Variants in CHST15 observed in about 807,000 individuals in gnomAD.
The protein encoded by CHST15 is B cell RAG associated protein (GALNAC4S-6ST).
CHST15 carries 30 observed loss-of-function variants against 53.6 expected under a neutral mutation model. The observed-to-expected ratio is 0.56, with a 90% confidence interval of 0.42 to 0.76. The LOEUF (loss-of-function observed/expected upper bound fraction) is 0.76. CHST15 is among the 30% of genes least tolerant of loss of function. CHST15 has a pLI of 0.00. For missense variants in CHST15, 627 were observed against 740.5 expected (o/e 0.85, Z 1.78); for synonymous variants, 296 against 289.8 (o/e 1.02, Z -0.22).
intron 1 of CHST15, among the ~76,000 whole-genome samples, chr10:124,088,845 C>A (rs559449554): frequency 6.6e-6 from 1 of 152,348 alleles, no homozygotes; most frequent in Admixed American, 6.5e-5. Flanking sequence ...CTTTCTCCTT[C>A]TTCCTGGACA....
chr10:124,036,003 A>G lies in CHST15; in HGVS notation c.1190+2512T>C, dbSNP rs1309701390. 1.3e-5 allele frequency among the ~76,000 whole-genome samples: 2 copies of G among 152,078 alleles called. No homozygotes were observed. Among genetic ancestry groups the G allele is most frequent in the African/African-American group, 2.4e-5 (1 of 41,424 alleles). On this transcript the variant is annotated intron_variant, in intron 5 of 7. Transcript: ENST00000435907. This position sits in a 1 kb window ranked among gnomAD's most constrained non-coding sequence, Gnocchi z 5.1. ...ACCTCTCTGTGCCCAGACAGTACAC[A>G]AGGCTGCTGTGTGCACTCTCGGCCC...
rs201105451 is a variant in CHST15, at chr10:124,021,239, G to GGT, written c.1347+16_1347+17insAC. On this transcript the variant is annotated intron_variant, in intron 6 of 7. Transcript: ENST00000435907. ...CCAGGGGCCAGCTCGGGGGGTACGG[G>GGT]GGGGGGGGGTACACACAGGCATGGC... is the stretch of plus-strand genomic sequence containing the variant. 4,732 of 1,441,742 alleles carry GGT rather than the reference G, an allele frequency of 3.3e-3. 130 individuals are homozygous for GGT. The African/African-American group carries it at 0.058, about 18-fold the overall frequency. The allele number at this position is 1,441,742 out of a possible 1,614,324, so 89.3% of individuals were successfully genotyped here. A position where few individuals can be genotyped will look rare whatever the true frequency, so the allele number is the denominator to read the frequency against.
At chr10:124,015,984 A>T (rs1157357130) in intron 6 of CHST15, among the ~76,000 whole-genome samples, 1 of 152,048 alleles carries the variant, frequency 6.6e-6, no homozygotes, top group Admixed American at 6.5e-5. Context: ...TGAGAAACAC[A>T]CCATGGCCCC....
At chr10:124,018,373 CTT>C (rs1302580079) in intron 6 of CHST15, among the ~76,000 whole-genome samples, 1 of 152,352 alleles carries the variant, frequency 6.6e-6, no homozygotes, top group East Asian at 1.9e-4. Flanking sequence ...AATTTCCTCT[CTT>C]TGCTTTGCAT....
chr10:124,076,000 G>C (rs746509240), intron 1 of CHST15, among the ~76,000 whole-genome samples: 5 of 152,182 alleles, frequency 3.3e-5, no homozygotes, highest in Non-Finnish European at 7.4e-5. Context: ...TAAAATCCTA[G>C]ACTGTCTCCA....
At chr10:124,011,852 T>A in intron 7 of CHST15, 2 of 985,356 alleles carry the variant, frequency 2.0e-6, no homozygotes, top group Non-Finnish European at 2.4e-6. Flanking sequence ...ATCTGTCTGT[T>A]CCCTCCTCTA....
At position 124,034,804 on chromosome 10, in the gene CHST15, AC is replaced by A. The variant is rs1473100639; in HGVS notation, c.1190+3710del. ...AACAGGGACGCCGGCTCCGCCCCTA[AC>A]GGGGACCCCGGCTCCGCCCCCTAAC... On this transcript the variant is annotated intron_variant, in intron 5 of 7. Transcript: ENST00000435907. 2.1e-4 allele frequency among the ~76,000 whole-genome samples: 28 copies of A among 135,212 alleles called. 1 individual carries two copies. The East Asian group carries it at 6.5e-3, about 31-fold the overall frequency. The allele number at this position is 135,212 out of a possible 152,430, so 88.7% of individuals were successfully genotyped here.
chr10:124,055,810 C>T (rs1590290357), intron 1 of CHST15, among the ~76,000 whole-genome samples: 1 of 152,176 alleles, frequency 6.6e-6, no homozygotes, highest in Admixed American at 6.5e-5. Flanking sequence ...CAGGGTAAAC[C>T]AGCCACTGCT....
chr10:124,020,351 G>A, intron 6 of CHST15: 1 of 985,436 alleles, frequency 1.0e-6, no homozygotes, highest in Non-Finnish European at 1.2e-6. Context: ...CCTCCTACCT[G>A]GCACCAGAGC....
rs528325232 is a variant in CHST15 at position 124,024,163 on chromosome 10, C to G, written c.1191-2751G>C. Among the ~76,000 whole-genome samples the G allele has an allele frequency of 7.2e-5, 11 of 152,312 alleles. No homozygotes were observed. The highest frequency in any genetic ancestry group is 2.6e-4 in the African/African-American group (11 of 41,570). On this transcript the variant is annotated intron_variant, in intron 5 of 7. Coordinates refer to ENST00000435907, the MANE Select transcript of CHST15 (RefSeq NM_001270764.2). The surrounding 1 kb of genome is among the most constrained non-coding windows in gnomAD (Gnocchi z 4.0). ...CCCAGCCGCCATCCATACTTCCAAA[C>G]GCTCCCAGACCTTCAGCCACATACT...
chr10:124,043,712 C>G (rs933321899), intron 3 of CHST15, among the ~76,000 whole-genome samples: 18 of 152,330 alleles, frequency 1.2e-4, no homozygotes, highest in Non-Finnish European at 1.9e-4. Context: ...TCATGGTAAG[C>G]CTGCGGCAAA....
chr10:124,090,939 T>C (rs1265550712), intron 1 of CHST15, among the ~76,000 whole-genome samples: 3 of 152,150 alleles, frequency 2.0e-5, no homozygotes, highest in South Asian at 2.1e-4. Context: ...AAAGACAGGG[T>C]TGGACTTCTG....
At chr10:124,038,402 G>A (rs746551821) in intron 5 of CHST15, 113 bp downstream of exon 5, 108 of 1,250,788 alleles carry the variant, frequency 8.6e-5, no homozygotes, top group African/African-American at 2.4e-4. Context: ...CACTGTACCC[G>A]ACCTGTTTAA....
At chr10:124,045,115 A>AAAAAAAAAC (rs1286043548) in intron 2 of CHST15, among the ~76,000 whole-genome samples, 196 bp from the exon 3 acceptor site, 7 of 95,398 alleles carry the variant, frequency 7.3e-5, no homozygotes, top group African/African-American at 4.3e-4. Context: ...CGCCCCACAA[A>AAAAAAAAAC]AAAAAAAAAA....
At chr10:124,020,502 G>A (rs957795887) in intron 6 of CHST15, 10 of 985,454 alleles carry the variant, frequency 1.0e-5, no homozygotes, top group Non-Finnish European at 1.2e-5. Flanking sequence ...AGAGGGGGCA[G>A]AGCCTCTTGG....
rs1413324526 is a variant in CHST15 at position 124,036,490 on chromosome 10, A to T, written c.1190+2025T>A. 1.3e-5 allele frequency among the ~76,000 whole-genome samples: 2 copies of T among 152,132 alleles called. No individual in the cohort carries two copies. Among genetic ancestry groups the T allele is most frequent in the Non-Finnish European group, 2.9e-5 (2 of 67,988 alleles). On this transcript the variant is annotated intron_variant, in intron 5 of 7. Transcript: ENST00000435907. The surrounding 1 kb of genome is among the most constrained non-coding windows in gnomAD (Gnocchi z 5.1). ...GAGCGCTGGGGCTGAGGGAGGGCAG[A>T]TCCAGCCTCTCCCTGACCAGGTCAT...
intron 1 of CHST15, among the ~76,000 whole-genome samples, chr10:124,077,883 C>CT (rs1949126663): frequency 6.6e-6 from 1 of 152,128 alleles, no homozygotes; most frequent in African/African-American, 2.4e-5. Context: ...GATTCTGCCT[C>CT]TTTATAAAAT....
chr10:124,044,689 T>G lies in CHST15; in HGVS notation c.777A>C (p.Ile259=), dbSNP rs1041851163. The change falls in exon 3 of 8, where the codon ATA becomes ATC. Residue 259 remains isoleucine, a synonymous_variant. Transcript: ENST00000435907. ...RLRCLPHFYI[I]GQPKCGTTDL... ...CTGTGGTCCCGCACTTGGGCTGCCC[T>G]ATGATGTAGAAGTGCGGCAGGCAGC... 7.4e-6 allele frequency: 12 copies of G among 1,613,630 alleles called. No homozygotes were observed. Among genetic ancestry groups the G allele is most frequent in the Non-Finnish European group, 9.3e-6 (11 of 1,179,874 alleles).
chr10:124,039,476 A>G (rs917649070), intron 4 of CHST15, among the ~76,000 whole-genome samples: 1 of 152,266 alleles, frequency 6.6e-6, no homozygotes, highest in African/African-American at 2.4e-5. Flanking sequence ...AGCATACTCT[A>G]AGACTAAAAG....
Sources: allele counts gnomAD v4.1 joint callset (sites outside exome capture counted in the v4.1 genomes callset), GRCh38; gene constraint gnomAD v4.1.1; non-coding constraint Gnocchi (gnomAD v3.1); transcripts MANE v1.5; gene names NCBI Gene and HGNC (gene_info 2026-07-23, HGNC 2026-07-21).